Variants in STK24 observed in about 807,000 individuals in gnomAD.
STK24 encodes serine/threonine kinase 24.
Under a neutral mutation model 55.6 loss-of-function variants are expected in STK24, and 21 were observed. That is an observed-to-expected ratio of 0.38 (90% CI 0.27 to 0.54). The LOEUF (loss-of-function observed/expected upper bound fraction) is 0.54. Among genes scored for constraint, STK24 ranks in the 20% least tolerant of loss-of-function variants. STK24 has a pLI of 0.79. For synonymous variants in STK24, 200 were observed against 215.2 expected (o/e 0.93, Z 0.62); for missense variants, 383 against 538.4 (o/e 0.71, Z 2.86).
intron 1 of STK24, among the ~76,000 whole-genome samples, chr13:98,572,846 G>A (rs1388298647): frequency 3.9e-5 from 6 of 152,174 alleles, no homozygotes; most frequent in African/African-American, 7.2e-5. Flanking sequence ...TACATGTGAC[G>A]TATATAATTC....
At chr13:98,550,825 T>A (rs1264023001) in intron 1 of STK24, among the ~76,000 whole-genome samples, 2 of 152,184 alleles carry the variant, frequency 1.3e-5, no homozygotes, top group Admixed American at 6.5e-5. Flanking sequence ...TTTATACAGC[T>A]TACTGCTTCC....
chr13:98,503,024 G>GGTTTTTTTTTTTT (rs759314930), intron 2 of STK24, among the ~76,000 whole-genome samples: 19 of 107,056 alleles, frequency 1.8e-4, no homozygotes, highest in African/African-American at 5.2e-4. Flanking sequence ...CTTTCCATGT[G>GGTTTTTTTTTTTT]TTTTTTTTTT....
intron 5 of STK24, among the ~76,000 whole-genome samples, 171 bp downstream of exon 5, chr13:98,474,650 G>A (rs1743932974): frequency 6.6e-6 from 1 of 152,210 alleles, no homozygotes; most frequent in African/African-American, 2.4e-5. Flanking sequence ...AAATGATACA[G>A]CAGGAGACAG....
chr13:98,458,931 A>G (rs558379847), intron 9 of STK24, among the ~76,000 whole-genome samples: 46 of 152,350 alleles, frequency 3.0e-4, no homozygotes, highest in African/African-American at 1.0e-3. Flanking sequence ...AGGGTAGCAA[A>G]TATCATTCTT....
intron 2 of STK24, among the ~76,000 whole-genome samples, chr13:98,482,675 C>T (rs1000075643): frequency 1.3e-5 from 2 of 152,214 alleles, no homozygotes; most frequent in Admixed American, 6.5e-5. Flanking sequence ...GAGCTGAGAA[C>T]TTGCAGCCAC....
intron 2 of STK24, chr13:98,508,844 T>C (rs572389218): frequency 7.9e-5 from 12 of 152,336 alleles, no homozygotes; most frequent in African/African-American, 2.6e-4. Flanking sequence ...ACACCTTCTC[T>C]GCTTTGAAGT....
intron 2 of STK24, among the ~76,000 whole-genome samples, chr13:98,484,217 C>A (rs1894719795): frequency 6.6e-6 from 1 of 152,198 alleles, no homozygotes; most frequent in Non-Finnish European, 1.5e-5. Context: ...AATGCTTGCT[C>A]CTGGGGAATG....
At chr13:98,453,874 A>G (rs1893322534) in intron 10 of STK24, 1 of 152,260 alleles carries the variant, frequency 6.6e-6, no homozygotes, top group African/African-American at 2.4e-5. Flanking sequence ...ATACAAAATT[A>G]CAGATTGGGC....
chr13:98,446,672 C>T lies in STK24; in HGVS notation c.*6501G>A, dbSNP rs776023082. On this transcript the variant is annotated 3_prime_UTR_variant, in exon 11 of 11. Transcript: ENST00000539966. ...CTTTGTTTCCCCTTTCCAGGACAATCATCCCCTTGCCAGCCTGCCTCTGCT... is the reference window on the plus strand; with the variant it reads ...CTTTGTTTCCCCTTTCCAGGACAATTATCCCCTTGCCAGCCTGCCTCTGCT... 19 of 1,613,974 alleles carry T rather than the reference C, an allele frequency of 1.2e-5. No individual in the cohort carries two copies. The highest frequency in any genetic ancestry group is 5.0e-5 in the Admixed American group (3 of 59,990).
At chr13:98,563,485 T>C (rs956546205) in intron 1 of STK24, among the ~76,000 whole-genome samples, 1 of 152,204 alleles carries the variant, frequency 6.6e-6, no homozygotes, top group African/African-American at 2.4e-5. Context: ...CAAATCTCTG[T>C]AACTCCTCTT....
intron 1 of STK24, among the ~76,000 whole-genome samples, chr13:98,531,248 A>G (rs1896572398): frequency 6.6e-6 from 1 of 152,222 alleles, no homozygotes; most frequent in Admixed American, 6.5e-5. Flanking sequence ...ACGCCCTCCC[A>G]AAATCTGAAA....
At chr13:98,529,655 C>A (rs1896530407) in intron 1 of STK24, among the ~76,000 whole-genome samples, 1 of 152,138 alleles carries the variant, frequency 6.6e-6, no homozygotes, top group Non-Finnish European at 1.5e-5. Context: ...AGAATAGATC[C>A]TTGGTTGCTG....
intron 2 of STK24, among the ~76,000 whole-genome samples, chr13:98,491,675 A>T (rs1895041231): frequency 1.4e-5 from 2 of 146,052 alleles, no homozygotes; most frequent in South Asian, 4.5e-4. Flanking sequence ...AGCATTACAA[A>T]CATTCATTAC....
At chr13:98,475,147 G>A (rs542376074) in intron 4 of STK24, 103 bp downstream of exon 4, 53 of 1,393,996 alleles carry the variant, frequency 3.8e-5, no homozygotes, top group East Asian at 7.2e-5. Flanking sequence ...CAAGGCAAAC[G>A]TGCAGGACAA....
chr13:98,519,472 T>C lies in STK24; in HGVS notation c.44A>G (p.Asn15Ser). Residue 15 changes from asparagine to serine, a missense_variant and splice_region_variant, in exon 2 of 11, where the codon AAC (asparagine) becomes AGC (serine). Transcript: ENST00000539966. ...PVQSGLPGMQ[N>S]LKADPEELFT... ...AAGCTCTTCTGGGTCTGCCTTTAGG[T>C]TCTGTAGAGAGAAGGAAGAGAAAAG... 1 of 1,613,494 alleles carries C rather than the reference T, an allele frequency of 6.2e-7. No homozygotes were observed. The highest frequency in any genetic ancestry group is 8.5e-7 in the Non-Finnish European group (1 of 1,179,644).
intron 2 of STK24, among the ~76,000 whole-genome samples, chr13:98,507,764 A>C (rs1194194243): frequency 6.6e-6 from 1 of 152,212 alleles, no homozygotes; most frequent in African/African-American, 2.4e-5. Flanking sequence ...AGGTCTCCAG[A>C]TCTCCAGAGC....
At chr13:98,568,371 G>A (rs1310424177) in intron 1 of STK24, among the ~76,000 whole-genome samples, 1 of 152,136 alleles carries the variant, frequency 6.6e-6, no homozygotes. Context: ...CCTCTGCCGG[G>A]GGAATGAGTG....
At chr13:98,542,395 C>A (rs1321463815) in intron 1 of STK24, among the ~76,000 whole-genome samples, 164 of 150,536 alleles carry the variant, frequency 1.1e-3, no homozygotes, top group Non-Finnish European at 1.9e-3. Context: ...ACAACAACAA[C>A]AACAAAAAAA....
chr13:98,515,919 G>A (rs974547941), intron 2 of STK24, among the ~76,000 whole-genome samples: 2 of 152,162 alleles, frequency 1.3e-5, no homozygotes, highest in Non-Finnish European at 2.9e-5. Context: ...ACGCTACAGG[G>A]AGTGTTTTAA....
Sources: gnomAD v4.1 joint callset for allele counts (sites outside exome capture counted in the v4.1 genomes callset) on GRCh38, gnomAD v4.1.1 for gene constraint, MANE v1.5 for transcripts, NCBI Gene and HGNC (gene_info 2026-07-23, HGNC 2026-07-21) for gene names.